Variants in FRMD3 observed in about 807,000 individuals in gnomAD.
The protein encoded by FRMD3 is FERM domain containing 3.
FRMD3 carries 33 observed loss-of-function variants against 70.2 expected under a neutral mutation model. That is an observed-to-expected ratio of 0.47 (90% CI 0.36 to 0.63). The LOEUF is 0.63. Ranked by LOEUF, FRMD3 falls within the 20% of genes least tolerant of loss-of-function variation. The probability of loss-of-function intolerance (pLI) is 0.00; values close to 1 mark genes in which losing one functional copy is unlikely to be tolerated. For synonymous variants in FRMD3, 279 were observed against 255.9 expected, an observed-to-expected ratio of 1.09 and a Z score of -0.86; for missense variants, 632 against 711.4, an observed-to-expected ratio of 0.89 and a Z score of 1.27.
chr9:83,525,270 A>C (rs1457628221), intron 1 of FRMD3, among the ~76,000 whole-genome samples: 1 of 152,202 alleles, frequency 6.6e-6, no homozygotes, highest in African/African-American at 2.4e-5. Context: ...CTGCTACAGA[A>C]TAATCATATT....
intron 3 of FRMD3, among the ~76,000 whole-genome samples, chr9:83,362,925 T>C (rs1387763708): frequency 7.0e-6 from 1 of 141,928 alleles, no homozygotes; most frequent in Non-Finnish European, 1.6e-5. Context: ...CCTCCTTCCT[T>C]CCTTTCCTCC....
chr9:83,536,229 C>G (rs1829888877), intron 1 of FRMD3, among the ~76,000 whole-genome samples: 1 of 152,192 alleles, frequency 6.6e-6, no homozygotes. Flanking sequence ...GGGTCATAAG[C>G]ACTGGAGTTT....
intron 13 of FRMD3, among the ~76,000 whole-genome samples, chr9:83,288,887 G>T (rs1051210833): frequency 1.3e-5 from 2 of 152,130 alleles, no homozygotes; most frequent in African/African-American, 4.8e-5. Flanking sequence ...ACATCTTGGG[G>T]GATCATAAGG....
In FRMD3 at chr9:83,247,659, T is replaced by C; in HGVS notation, c.*259A>G. ...ATTATGATATAATAGATGAAGGGTA[T>C]GTCTACACTATAATAAAAAATAAAC... On this transcript the variant is annotated 3_prime_UTR_variant, in exon 14 of 14. Transcript: ENST00000304195. 2 of 1,159,748 alleles carry C rather than the reference T, an allele frequency of 1.7e-6. No homozygotes were observed. The allele number at this position is 1,159,748 out of a possible 1,614,324, so 71.8% of individuals were successfully genotyped here. A position where few individuals can be genotyped will look rare whatever the true frequency, so the allele number is the denominator to read the frequency against.
intron 2 of FRMD3, among the ~76,000 whole-genome samples, chr9:83,375,663 AT>A (rs1397158296): frequency 6.6e-6 from 1 of 152,214 alleles, no homozygotes; most frequent in Non-Finnish European, 1.5e-5. Context: ...ATGGGAGCTA[AT>A]GATGAGAATA....
chr9:83,401,772 C>T (rs532120848), intron 1 of FRMD3, among the ~76,000 whole-genome samples: 99 of 152,190 alleles, frequency 6.5e-4, no homozygotes, highest in African/African-American at 2.2e-3. Context: ...TGCATCACTT[C>T]GGTTTATTGG....
At chr9:83,387,507 T>C (rs1401041792) in intron 2 of FRMD3, among the ~76,000 whole-genome samples, 1 of 152,198 alleles carries the variant, frequency 6.6e-6, no homozygotes, top group Non-Finnish European at 1.5e-5. Context: ...CTCAACTAAA[T>C]AGTAGCTAGA....
At chr9:83,385,740 G>GAAA (rs148223409) in intron 2 of FRMD3, among the ~76,000 whole-genome samples, 2 of 146,652 alleles carry the variant, frequency 1.4e-5, no homozygotes, top group Non-Finnish European at 3.0e-5. Context: ...AGGAGCTGGT[G>GAAA]AAAAAAAAAA....
chr9:83,382,631 T>C (rs1206190360), intron 2 of FRMD3, among the ~76,000 whole-genome samples: 1 of 152,076 alleles, frequency 6.6e-6, no homozygotes, highest in African/African-American at 2.4e-5. Flanking sequence ...ATTTCCTGAC[T>C]CAGTCCTTTG....
At chr9:83,547,333 ATAAT>A in the FRMD3 span, among the ~76,000 whole-genome samples, 1 of 148,748 alleles carries the variant, frequency 6.7e-6, no homozygotes, top group Non-Finnish European at 1.5e-5. Flanking sequence ...AATATTATAT[ATAAT>A]TATTATATAA....
chr9:83,335,458 T>C (rs923067205), intron 6 of FRMD3, 58 bp downstream of exon 6: 29 of 1,494,214 alleles, frequency 1.9e-5, no homozygotes, highest in Non-Finnish European at 2.2e-5. Flanking sequence ...CCACATTCCC[T>C]GCAGTAAGAA....
At chr9:83,251,861 C>A (rs575291204) in intron 13 of FRMD3, among the ~76,000 whole-genome samples, 1 of 152,022 alleles carries the variant, frequency 6.6e-6, no homozygotes, top group Non-Finnish European at 1.5e-5. Context: ...GAGAAATATG[C>A]GATTATGTGA....
intron 2 of FRMD3, among the ~76,000 whole-genome samples, chr9:83,384,108 A>G (rs1302668840): frequency 6.6e-6 from 1 of 152,166 alleles, no homozygotes; most frequent in Non-Finnish European, 1.5e-5. Flanking sequence ...CCACAAAGCC[A>G]AGTTACTTGT....
intron 1 of FRMD3, among the ~76,000 whole-genome samples, chr9:83,479,531 G>A (rs926568672): frequency 6.8e-6 from 1 of 147,740 alleles, no homozygotes; most frequent in African/African-American, 2.5e-5. Context: ...GGGAGGCTGA[G>A]GCAGGAGGAT....
At chr9:83,396,220 T>G (rs748541181) in intron 1 of FRMD3, among the ~76,000 whole-genome samples, 4 of 152,148 alleles carry the variant, frequency 2.6e-5, no homozygotes, top group African/African-American at 9.7e-5. Context: ...ATATGAGGAT[T>G]TGGAAGCAAT....
At chr9:83,373,417 C>T (rs1825042921) in intron 2 of FRMD3, among the ~76,000 whole-genome samples, 1 of 152,214 alleles carries the variant, frequency 6.6e-6, no homozygotes, top group South Asian at 2.1e-4. Context: ...GCCAAGCCAG[C>T]ATTAGCCCTA....
chr9:83,313,780 A>C lies in FRMD3; in HGVS notation c.597-33T>G, dbSNP rs760324804. The C allele has an allele frequency of 2.8e-5, 43 of 1,530,504 alleles. No homozygotes were observed. The South Asian group carries it at 4.4e-4, about 16-fold the overall frequency. 94.8% of individuals were successfully genotyped at this position (1,530,504 alleles called of 1,614,324 possible). Reference sequence around the variant, plus strand: ...CACACAAGAAAAGTTGAGGCAGTTAAAATGGAAAAGAATAGAAACTCGGAA... The same window carrying C: ...CACACAAGAAAAGTTGAGGCAGTTACAATGGAAAAGAATAGAAACTCGGAA... On this transcript the variant is annotated intron_variant, in intron 6 of 13. Transcript: ENST00000304195.
chr9:83,569,755 T>C, the FRMD3 span, among the ~76,000 whole-genome samples: 1 of 152,240 alleles, frequency 6.6e-6, no homozygotes, highest in Non-Finnish European at 1.5e-5. Flanking sequence ...AATTTTAATA[T>C]GGGTATTATT....
chr9:83,498,794 A>C (rs1238843222), intron 1 of FRMD3, among the ~76,000 whole-genome samples: 1 of 152,164 alleles, frequency 6.6e-6, no homozygotes, highest in Non-Finnish European at 1.5e-5. Flanking sequence ...TTTCCACTCA[A>C]AACAGCTCTT....
Sources: allele counts gnomAD v4.1 joint callset (sites outside exome capture counted in the v4.1 genomes callset), GRCh38; gene constraint gnomAD v4.1.1; transcripts MANE v1.5; gene names NCBI Gene and HGNC (gene_info 2026-07-23, HGNC 2026-07-21).